ERV3-1: variants seen among roughly 807,000 people sequenced by gnomAD.
ERV3-1 encodes endogenous retrovirus group 3 member 1, envelope.
In ERV3-1, 36 loss-of-function variants were observed where a neutral mutation model predicts 24.6. The ratio of observed to expected loss-of-function variants is 1.47; its 90% CI spans 1.12 to 1.94. The LOEUF is 1.94. ERV3-1 is among the 30% of genes most tolerant of loss of function. The pLI is 0.00. For synonymous variants in ERV3-1, 211 were observed against 122.6 expected (o/e 1.72, Z -4.76); for missense variants, 578 against 330.9 (o/e 1.75, Z -5.79).
intron 1 of ERV3-1, among the ~76,000 whole-genome samples, chr7:64,995,866 G>C (rs1328678180): frequency 6.6e-6 from 1 of 152,198 alleles, no homozygotes; most frequent in Admixed American, 6.5e-5. Context: ...TTGTCATTTG[G>C]TGGGGTGTAT....
At position 64,991,138 on chromosome 7, in the gene ERV3-1, G is replaced by T; in HGVS notation, c.*74C>A. 1.6e-6 allele frequency: 1 copy of T among 622,940 alleles called. No homozygotes were observed. The highest frequency in any genetic ancestry group is 2.9e-6 in the Non-Finnish European group (1 of 348,516). 38.6% of individuals were successfully genotyped at this position (622,940 alleles called of 1,614,324 possible). A position where few individuals can be genotyped will look rare whatever the true frequency, so the allele number is the denominator to read the frequency against. On this transcript the variant is annotated 3_prime_UTR_variant, in exon 2 of 2. Transcript: ENST00000394323. ...GAGTATAAGGCAAACTCCCAATATG[G>T]CTAGGACTATTTGTACTAAGGTTTT...
chr7:64,997,682 G>A (rs1272115026), intron 1 of ERV3-1, among the ~76,000 whole-genome samples: 9 of 152,136 alleles, frequency 5.9e-5, no homozygotes, highest in African/African-American at 2.2e-4. Context: ...GTTCCAGCCA[G>A]TGGAGGGCTG....
intron 1 of ERV3-1, among the ~76,000 whole-genome samples, chr7:65,002,343 A>G (rs1267476913): frequency 6.6e-6 from 1 of 152,092 alleles, no homozygotes; most frequent in African/African-American, 2.4e-5. Context: ...TTGTTTTTTG[A>G]GATGGAGTCT....
intron 1 of ERV3-1, among the ~76,000 whole-genome samples, chr7:64,995,933 T>C (rs981631011): frequency 6.6e-6 from 1 of 152,178 alleles, no homozygotes. Context: ...TCTTGAACCC[T>C]TGTGGGAGAC....
intron 1 of ERV3-1, among the ~76,000 whole-genome samples, chr7:64,995,020 CGGA>C (rs1173879342): frequency 6.6e-6 from 1 of 152,240 alleles, no homozygotes; most frequent in African/African-American, 2.4e-5. Flanking sequence ...GCCACAGTCA[CGGA>C]AGGTGATTCC....
intron 1 of ERV3-1, among the ~76,000 whole-genome samples, chr7:64,997,708 G>C (rs921909865): frequency 6.6e-6 from 1 of 152,098 alleles, no homozygotes; most frequent in Non-Finnish European, 1.5e-5. Flanking sequence ...GTCACCCTTC[G>C]GCATTCCTCG....
rs763470265 is a variant in ERV3-1, at chr7:64,992,031, G to A, written c.996C>T (p.Ser332=). 1.3e-6 allele frequency: 1 copy of A among 766,348 alleles called. No individual in the cohort carries two copies. The highest frequency in any genetic ancestry group is 2.4e-6 in the Non-Finnish European group (1 of 417,922). 47.5% of individuals were successfully genotyped at this position (766,348 alleles called of 1,614,324 possible). Residue 332 remains serine (S), a synonymous_variant, in exon 2 of 2, where the codon AGC becomes AGT. Coordinates refer to ENST00000394323, the MANE Select transcript of ERV3-1 (RefSeq NM_001007253.4). The stretch of plus-strand genomic sequence containing the variant: ...TAATGGAGGTTTTTAAGAACCAGAT[G>A]CTCTGACTTGATGGTGCAGGTTCGA... ...SSLEPAPSSQ[S]IWFLKTSIIG...
chr7:64,996,681 C>T (rs923839069), intron 1 of ERV3-1, among the ~76,000 whole-genome samples: 2 of 152,188 alleles, frequency 1.3e-5, no homozygotes, highest in African/African-American at 4.8e-5. Flanking sequence ...TTATGTTGGA[C>T]CTCTCATCCT....
intron 1 of ERV3-1, among the ~76,000 whole-genome samples, chr7:64,995,262 TGCTTTACA>T (rs1786383005): frequency 6.6e-6 from 1 of 152,224 alleles, no homozygotes; most frequent in Non-Finnish European, 1.5e-5. Context: ...TAGTGGCTAG[TGCTTTACA>T]GCAAGGAGGC....
chr7:64,996,915 C>A, intron 1 of ERV3-1, among the ~76,000 whole-genome samples: 1 of 152,244 alleles, frequency 6.6e-6, no homozygotes, highest in East Asian at 1.9e-4. Flanking sequence ...GCCTAATCTT[C>A]ATATTCTCCA....
rs1786243300 is a variant in ERV3-1 at position 64,990,642 on chromosome 7, T to C, written c.*570A>G. The C allele has an allele frequency of 2.0e-5, 3 of 152,234 alleles. No homozygotes were observed. Among genetic ancestry groups the C allele is most frequent in the Non-Finnish European group, 4.4e-5 (3 of 68,062 alleles). The allele number at this position is 152,234 out of a possible 1,614,324, so 9.4% of individuals were successfully genotyped here. A position where few individuals can be genotyped will look rare whatever the true frequency, so the allele number is the denominator to read the frequency against. On this transcript the variant is annotated 3_prime_UTR_variant, in exon 2 of 2. Transcript: ENST00000394323. The stretch of plus-strand genomic sequence containing the variant: ...ATGCTACAGAAAGAAAAACAAGAAC[T>C]TACAAAATCTTTACAGACTTGCAGA...
In ERV3-1 at chr7:64,993,165, C is replaced by T. The variant is rs964498190; in HGVS notation, c.-139G>A. 23 of 603,612 alleles carry T rather than the reference C, an allele frequency of 3.8e-5. No homozygotes were observed. Among genetic ancestry groups the T allele is most frequent in the Middle Eastern group, 4.4e-4 (1 of 2,282 alleles). 37.4% of individuals were successfully genotyped at this position (603,612 alleles called of 1,614,324 possible). Reference sequence around the variant, plus strand: ...ACTTCCCTGATGATGACTCAAGCTTCGGCCGTGCATAGACTAGTCAGCTTC... The same window carrying T: ...ACTTCCCTGATGATGACTCAAGCTTTGGCCGTGCATAGACTAGTCAGCTTC... On this transcript the variant is annotated 5_prime_UTR_variant, in exon 2 of 2. Transcript: ENST00000394323.
chr7:64,993,832 A>G (rs540638681), intron 1 of ERV3-1, among the ~76,000 whole-genome samples: 2 of 152,072 alleles, frequency 1.3e-5, no homozygotes, highest in South Asian at 4.2e-4. Flanking sequence ...CAGTTCATGC[A>G]CTCTACTTTT....
In ERV3-1 at chr7:64,992,272, C is replaced by T. The variant is rs62456477; in HGVS notation, c.755G>A (p.Arg252Gln). Residue 252 changes from arginine (R) to glutamine (Q), a missense_variant, in exon 2 of 2, where the codon CGA becomes CAA. Physicochemically the swap from Arg to Gln is conservative, Grantham distance 43 (BLOSUM62 1). Transcript: ENST00000394323. ...ATGCTCATAGAATGACTCAAAAACT[C>T]GGAACTGTTGGGTTGAGCGGGTCCG... ...KTRTRSTQQF[R>Q]VFESFYEHVN... is the part of the protein sequence containing the mutation. The T allele has an allele frequency of 1.8e-5, 14 of 766,298 alleles. No homozygotes were observed. The highest frequency in any genetic ancestry group is 9.7e-5 in the East Asian group (4 of 41,220). 47.5% of individuals were successfully genotyped at this position (766,298 alleles called of 1,614,324 possible).
intron 1 of ERV3-1, among the ~76,000 whole-genome samples, chr7:64,999,292 G>A (rs564133819): frequency 7.9e-5 from 12 of 152,368 alleles, no homozygotes; most frequent in South Asian, 6.2e-4. Context: ...CAGTCCCACA[G>A]CCAAAGGAGA....
At chr7:64,998,784 A>T (rs1274528813) in intron 1 of ERV3-1, among the ~76,000 whole-genome samples, 1 of 152,046 alleles carries the variant, frequency 6.6e-6, no homozygotes, top group African/African-American at 2.4e-5. Context: ...CGTAGCCCCA[A>T]AGGATGTTTG....
At chr7:65,006,315 C>G (rs1371129542) in intron 1 of ERV3-1, 8 of 695,802 alleles carry the variant, frequency 1.1e-5, no homozygotes, top group Middle Eastern at 4.0e-4. Flanking sequence ...CAGAACAAGG[C>G]ACAGTCACTG....
At chr7:64,998,504 G>A (rs866311604) in intron 1 of ERV3-1, among the ~76,000 whole-genome samples, 2 of 152,096 alleles carry the variant, frequency 1.3e-5, no homozygotes, top group African/African-American at 2.4e-5. Flanking sequence ...CAACCTCTGG[G>A]GGGTCAACTT....
At chr7:65,002,941 AT>A (rs1324535270) in intron 1 of ERV3-1, among the ~76,000 whole-genome samples, 9 of 152,100 alleles carry the variant, frequency 5.9e-5, no homozygotes, top group African/African-American at 2.2e-4. Flanking sequence ...TTAGAATTCA[AT>A]TTTTTTACAT....
Sources: allele counts gnomAD v4.1 joint callset (sites outside exome capture counted in the v4.1 genomes callset), GRCh38; gene constraint gnomAD v4.1.1; transcripts MANE v1.5; gene names NCBI Gene and HGNC (gene_info 2026-07-23, HGNC 2026-07-21).